HOMER1: variants seen among roughly 807,000 people sequenced by gnomAD.
HOMER1 encodes homer protein homolog 1.
A neutral mutation model predicts 48.9 loss-of-function variants in HOMER1; 3 were observed. That is an observed-to-expected ratio of 0.06 (90% CI 0.03 to 0.16). The LOEUF (loss-of-function observed/expected upper bound fraction) is 0.16. Among genes scored for constraint, HOMER1 ranks in the 10% least tolerant of loss-of-function variants. HOMER1 has a pLI of 1.00. For synonymous variants in HOMER1, 134 were observed against 146.4 expected, an observed-to-expected ratio of 0.92 and a Z score of 0.61; for missense variants, 247 against 411.4, an observed-to-expected ratio of 0.60 and a Z score of 3.46.
intron 8 of HOMER1, among the ~76,000 whole-genome samples, chr5:79,378,222 C>CAAAAAAAAAAAAAAAAAAAAAA (rs58802660): frequency 3.5e-4 from 30 of 85,574 alleles, no homozygotes; most frequent in African/African-American, 1.1e-3. Context: ...GACTCTGTCT[C>CAAAAAAAAAAAAAAAAAAAAAA]AAAAAAAAAA....
At chr5:79,401,031 G>T (rs762537775) in intron 6 of HOMER1, among the ~76,000 whole-genome samples, 1 of 145,600 alleles carries the variant, frequency 6.9e-6, no homozygotes, top group Non-Finnish European at 1.5e-5. Flanking sequence ...CACTTTACAA[G>T]TAATTATCTG....
chr5:79,450,265 T>C lies in HOMER1; in HGVS notation c.294+725A>G, dbSNP rs573702322. Among the ~76,000 whole-genome samples the C allele has an allele frequency of 8.5e-5, 13 of 152,368 alleles. No individual in the cohort carries two copies. The East Asian group carries it at 2.5e-3, about 29-fold the overall frequency. On this transcript the variant is annotated intron_variant, in intron 3 of 8. Transcript: ENST00000334082. ...AAGCTCTGAAGAGAAAAGTGAGTTT[T>C]ACTTTTCTCTTTGATCACTTAGTAT...
intron 8 of HOMER1, among the ~76,000 whole-genome samples, chr5:79,380,293 G>T (rs1318115582): frequency 1.3e-5 from 2 of 152,150 alleles, no homozygotes; most frequent in African/African-American, 4.8e-5. Context: ...AGCGCTGGGT[G>T]CCACACAACC....
intron 1 of HOMER1, among the ~76,000 whole-genome samples, chr5:79,485,015 C>T (rs1752057799): frequency 6.6e-6 from 1 of 152,118 alleles, no homozygotes; most frequent in Non-Finnish European, 1.5e-5. Flanking sequence ...TCTCTTTTCC[C>T]TGCCCAGTCT....
At chr5:79,433,349 T>A (rs2112266774) in intron 5 of HOMER1, among the ~76,000 whole-genome samples, 1 of 152,226 alleles carries the variant, frequency 6.6e-6, no homozygotes, top group South Asian at 2.1e-4. Flanking sequence ...TAATTTGAGG[T>A]CAGGAGTTCG....
At chr5:79,446,999 A>G in intron 4 of HOMER1, 54 bp downstream of exon 4, 1 of 1,076,400 alleles carries the variant, frequency 9.3e-7, no homozygotes. Flanking sequence ...GGCATGAAGG[A>G]TATTATCTGA....
chr5:79,500,953 G>GTGTGTGTGTGTGTGAC (rs1491130611), intron 1 of HOMER1, among the ~76,000 whole-genome samples: 1 of 113,758 alleles, frequency 8.8e-6, no homozygotes, highest in African/African-American at 3.5e-5. Flanking sequence ...GTGTGTGTGT[G>GTGTGTGTGTGTGTGAC]AGACAGACAG....
chr5:79,486,903 A>C (rs1752119653), intron 1 of HOMER1, among the ~76,000 whole-genome samples: 3 of 152,372 alleles, frequency 2.0e-5, no homozygotes, highest in African/African-American at 7.2e-5. Flanking sequence ...CATACAGAGA[A>C]CGTATCAGAA....
chr5:79,398,186 C>T (rs1338205593), intron 6 of HOMER1, among the ~76,000 whole-genome samples: 1 of 151,710 alleles, frequency 6.6e-6, no homozygotes, highest in African/African-American at 2.4e-5. Context: ...TTACTGGGGG[C>T]CCAAAGAGTA....
At chr5:79,511,452 T>C (rs1561393879) in intron 1 of HOMER1, among the ~76,000 whole-genome samples, 1 of 152,184 alleles carries the variant, frequency 6.6e-6, no homozygotes, top group African/African-American at 2.4e-5. Context: ...TTTGGAGAAA[T>C]CTTTAAGTCA....
At chr5:79,381,618 C>T (rs1341153854) in intron 8 of HOMER1, among the ~76,000 whole-genome samples, 1 of 152,304 alleles carries the variant, frequency 6.6e-6, no homozygotes, top group East Asian at 1.9e-4. Flanking sequence ...GGTGCAGTGG[C>T]TCACGCCTGT....
chr5:79,424,956 G>A (rs548264399), intron 5 of HOMER1, among the ~76,000 whole-genome samples: 5 of 152,122 alleles, frequency 3.3e-5, no homozygotes, highest in Admixed American at 3.3e-4. Context: ...CCTCTACATG[G>A]AGATAGCTTA....
chr5:79,428,058 A>G (rs1291412491), intron 5 of HOMER1, among the ~76,000 whole-genome samples: 1 of 152,216 alleles, frequency 6.6e-6, no homozygotes, highest in African/African-American at 2.4e-5. Context: ...TCTTAAAAAC[A>G]GTGATATTTT....
chr5:79,375,988 G>A lies in HOMER1; in HGVS notation c.*21C>T. On this transcript the variant is annotated 3_prime_UTR_variant, in exon 9 of 9. Transcript: ENST00000334082. ...GAGACAGTGTATCTTTTAATTAATT[G>A]GCACTGAAATTTCACTTTCCTTAGC... 2 of 1,487,060 alleles carry A rather than the reference G, an allele frequency of 1.3e-6. No individual in the cohort carries two copies. Among genetic ancestry groups the A allele is most frequent in the Non-Finnish European group, 1.8e-6 (2 of 1,097,560 alleles). 92.1% of individuals were successfully genotyped at this position (1,487,060 alleles called of 1,614,324 possible). A position where few individuals can be genotyped will look rare whatever the true frequency, so the allele number is the denominator to read the frequency against.
chr5:79,392,807 T>C (rs1749284078), intron 8 of HOMER1, among the ~76,000 whole-genome samples: 1 of 152,192 alleles, frequency 6.6e-6, no homozygotes, highest in Non-Finnish European at 1.5e-5. Flanking sequence ...GTACAATTTT[T>C]ACCTTTTCTA....
At chr5:79,433,397 G>T (rs958916444) in intron 5 of HOMER1, among the ~76,000 whole-genome samples, 1 of 152,006 alleles carries the variant, frequency 6.6e-6, no homozygotes, top group Admixed American at 6.6e-5. Flanking sequence ...CTGAAATCCT[G>T]TCTCTACTAA....
intron 5 of HOMER1, among the ~76,000 whole-genome samples, chr5:79,427,685 CCCTT>C (rs1474257864): frequency 1.4e-5 from 1 of 71,322 alleles, no homozygotes. Context: ...TTCCTTCCTT[CCCTT>C]CCTTCCTTTC....
chr5:79,486,619 G>A (rs1333666232), intron 1 of HOMER1, among the ~76,000 whole-genome samples: 1 of 152,000 alleles, frequency 6.6e-6, no homozygotes. Context: ...AAAAATGGAG[G>A]GACAGAGCAG....
chr5:79,439,134 C>T lies in HOMER1; in HGVS notation c.403G>A (p.Asp135Asn), dbSNP rs1750674656. The change falls in exon 5 of 9, where the codon GAT becomes AAT. Residue 135 changes from aspartate (D) to asparagine (N), a missense_variant. Coordinates refer to ENST00000334082, the MANE Select transcript of HOMER1 (RefSeq NM_004272.5). ...TCCGGTGTTAAAGGAGACTGAAGATCCCCGCCTGCGGATTCCTTTAAAAAA... is the reference window on the plus strand; with the variant it reads ...TCCGGTGTTAAAGGAGACTGAAGATTCCCGCCTGCGGATTCCTTTAAAAAA... Reference protein sequence around the residue: ...STPSQESAGGDLQSPLTPESI... With the variant: ...STPSQESAGGNLQSPLTPESI... 1 of 1,613,778 alleles carries T rather than the reference C, an allele frequency of 6.2e-7. No individual in the cohort carries two copies. Among genetic ancestry groups the T allele is most frequent in the Non-Finnish European group, 8.5e-7 (1 of 1,179,942 alleles).
Sources: allele counts gnomAD v4.1 joint callset (sites outside exome capture counted in the v4.1 genomes callset), GRCh38; gene constraint gnomAD v4.1.1; transcripts MANE v1.5; gene names NCBI Gene and HGNC (gene_info 2026-07-23, HGNC 2026-07-21).